SUPT3H: variants seen among roughly 807,000 people sequenced by gnomAD.
SUPT3H encodes the protein transcription initiation protein SPT3 homolog.
Under a neutral mutation model 44.3 loss-of-function variants are expected in SUPT3H, and 44 were observed. That is an observed-to-expected ratio of 0.99 (90% confidence interval 0.78 to 1.28). The LOEUF is 1.28. Ranked by LOEUF, SUPT3H falls within the 50% of genes most tolerant of loss-of-function variation. The pLI, the probability that SUPT3H is intolerant of heterozygous loss-of-function variation, is 0.00. For synonymous variants in SUPT3H, 124 were observed against 125.6 expected, an observed-to-expected ratio of 0.99 and a Z score of 0.09; for missense variants, 380 against 387.1, an observed-to-expected ratio of 0.98 and a Z score of 0.15.
chr6:45,198,901 T>C (rs1816535132), intron 2 of SUPT3H, among the ~76,000 whole-genome samples: 2 of 151,324 alleles, frequency 1.3e-5, no homozygotes, highest in African/African-American at 4.8e-5. Flanking sequence ...AATCATGTAA[T>C]TAAGGATATA....
At chr6:45,238,600 T>A (rs1256985763) in intron 2 of SUPT3H, among the ~76,000 whole-genome samples, 2 of 152,168 alleles carry the variant, frequency 1.3e-5, no homozygotes, top group African/African-American at 4.8e-5. Context: ...ATTTGCTAAT[T>A]TTTCCGACTC....
chr6:44,870,352 T>C (rs1454407806), intron 10 of SUPT3H, among the ~76,000 whole-genome samples: 1 of 152,038 alleles, frequency 6.6e-6, no homozygotes, highest in African/African-American at 2.4e-5. Flanking sequence ...ATCCCAGCAC[T>C]TCGTGAGTCT....
At chr6:45,158,594 G>A (rs1339929851) in intron 2 of SUPT3H, among the ~76,000 whole-genome samples, 6 of 121,226 alleles carry the variant, frequency 4.9e-5, no homozygotes, top group African/African-American at 1.9e-4. Flanking sequence ...ATCCTGCTAA[G>A]GAAGGGATGA....
chr6:45,229,419 GGAGTATGAGC>G (rs1767547559), intron 2 of SUPT3H, among the ~76,000 whole-genome samples: 1 of 152,028 alleles, frequency 6.6e-6, no homozygotes, highest in African/African-American at 2.4e-5. Flanking sequence ...GGATGAAATA[GGAGTATGAGC>G]CATGTATTCT....
chr6:45,348,406 C>T (rs1183052980), intron 2 of SUPT3H, among the ~76,000 whole-genome samples: 5 of 151,542 alleles, frequency 3.3e-5, no homozygotes, highest in Non-Finnish European at 7.4e-5. Flanking sequence ...GTGGCTCACG[C>T]CTGTAATCCC....
intron 3 of SUPT3H, among the ~76,000 whole-genome samples, chr6:45,066,166 C>T (rs796866162): frequency 6.8e-6 from 1 of 146,690 alleles, no homozygotes; most frequent in South Asian, 2.2e-4. Context: ...ATACGCAAAT[C>T]AATAAATGTA....
At chr6:45,079,989 A>G (rs1293504554) in intron 3 of SUPT3H, among the ~76,000 whole-genome samples, 5 of 152,220 alleles carry the variant, frequency 3.3e-5, no homozygotes, top group Non-Finnish European at 7.3e-5. Flanking sequence ...CAGCAAAGGA[A>G]ACAATCAACA....
intron 6 of SUPT3H, among the ~76,000 whole-genome samples, chr6:44,981,311 A>C (rs908106049): frequency 3.3e-5 from 5 of 152,206 alleles, no homozygotes; most frequent in Non-Finnish European, 7.3e-5. Flanking sequence ...ATATTGCTTC[A>C]CTTGTTAACA....
At chr6:45,128,569 C>T (rs1442969463) in intron 2 of SUPT3H, among the ~76,000 whole-genome samples, 3 of 123,242 alleles carry the variant, frequency 2.4e-5, no homozygotes, top group East Asian at 2.4e-4. Flanking sequence ...CACACACACA[C>T]ACACACACAC....
chr6:44,926,498 C>A (rs1328259717), intron 10 of SUPT3H, among the ~76,000 whole-genome samples: 1 of 151,954 alleles, frequency 6.6e-6, no homozygotes, highest in Admixed American at 6.6e-5. Context: ...AAAATTTATT[C>A]ACATAAGTTA....
chr6:45,318,065 A>G (rs1344307458), intron 2 of SUPT3H, among the ~76,000 whole-genome samples: 1 of 152,194 alleles, frequency 6.6e-6, no homozygotes, highest in Non-Finnish European at 1.5e-5. Flanking sequence ...CACCATTATG[A>G]AAAGGACTTG....
chr6:45,342,455 T>G (rs1199221316), intron 2 of SUPT3H, among the ~76,000 whole-genome samples: 1 of 152,032 alleles, frequency 6.6e-6, no homozygotes, highest in African/African-American at 2.4e-5. Context: ...GAGATGGAGT[T>G]TCAACATGTT....
intron 10 of SUPT3H, among the ~76,000 whole-genome samples, chr6:44,837,244 A>G (rs1770085152): frequency 6.6e-6 from 1 of 152,160 alleles, no homozygotes; most frequent in Non-Finnish European, 1.5e-5. Context: ...GTTAATTCTC[A>G]TTTCGCTTGA....
At position 45,195,970 on chromosome 6, in the gene SUPT3H, G is replaced by A. The variant is rs142640309; in HGVS notation, c.102-89964C>T. Among the ~76,000 whole-genome samples, 539 of 152,170 alleles carry A rather than the reference G, an allele frequency of 3.5e-3. 5 individuals are homozygous for A. The highest frequency in any genetic ancestry group is 0.013 in the African/African-American group (521 of 41,534). On this transcript the variant is annotated intron_variant, in intron 2 of 10. Transcript: ENST00000371459. ...TACCCAAGGAAGGAGAAGATTCAAC[G>A]CCTATGAAGTGTATATGCCAGTAGC...
chr6:44,995,110 G>A (rs1228691744), intron 6 of SUPT3H, among the ~76,000 whole-genome samples: 3 of 151,844 alleles, frequency 2.0e-5, no homozygotes, highest in Admixed American at 6.6e-5. Flanking sequence ...TGGAACAGCA[G>A]CTTTCTGAAA....
chr6:45,368,492 T>G (rs1410329924), intron 1 of SUPT3H, among the ~76,000 whole-genome samples: 2 of 152,198 alleles, frequency 1.3e-5, no homozygotes, highest in Non-Finnish European at 2.9e-5. Flanking sequence ...TTAAACAAAA[T>G]GCACTGAACA....
rs200429180 is a variant in SUPT3H, at chr6:45,007,313, TA to T, written c.365-3522del. 8.7e-3 allele frequency among the ~76,000 whole-genome samples: 1,318 copies of T among 152,242 alleles called. 24 individuals are homozygous for T. The highest frequency in any genetic ancestry group is 0.03 in the African/African-American group (1,243 of 41,578). ...CTTTTTTTACTCTGCAGTCTTGGAT[TA>T]TTCTTAGCTCTATAATTTATTAATA... On this transcript the variant is annotated intron_variant, in intron 5 of 10. Transcript: ENST00000371459.
intron 10 of SUPT3H, among the ~76,000 whole-genome samples, chr6:44,880,618 C>T (rs1162823156): frequency 6.6e-6 from 1 of 152,122 alleles, no homozygotes; most frequent in African/African-American, 2.4e-5. Flanking sequence ...CTTCAAGACA[C>T]ATAATCATCA....
Position 44,915,715 on chromosome 6 carries a change from C to G in SUPT3H, c.912+16938G>C, listed in dbSNP as rs908275662. Among the ~76,000 whole-genome samples, 5 of 152,174 alleles carry G rather than the reference C, an allele frequency of 3.3e-5. No individual in the cohort carries two copies. In the East Asian group the frequency reaches 9.6e-4, roughly 29 times the overall value. ...CTTATTGTAACTCAGACATTCATTT[C>G]TATTGATAATAACTCAACCAATTGC... On this transcript the variant is annotated intron_variant, in intron 10 of 10. Coordinates refer to ENST00000371459, the MANE Select transcript of SUPT3H (RefSeq NM_003599.4).
Sources: gnomAD v4.1 joint callset for allele counts (sites outside exome capture counted in the v4.1 genomes callset) on GRCh38, gnomAD v4.1.1 for gene constraint, MANE v1.5 for transcripts, NCBI Gene and HGNC (gene_info 2026-07-23, HGNC 2026-07-21) for gene names.